Variants in EXT1 observed in about 807,000 individuals in gnomAD.
The protein encoded by EXT1 is exostosin-1.
In EXT1, 20 loss-of-function variants were observed where a neutral mutation model predicts 82.5. The observed-to-expected ratio is 0.24, with a 90% CI of 0.17 to 0.35. The LOEUF (loss-of-function observed/expected upper bound fraction) is 0.35, where lower values mean the gene tolerates loss of function less well. Among genes scored for constraint, EXT1 ranks in the 10% least tolerant of loss-of-function variants. EXT1 has a pLI of 1.00. For missense variants in EXT1, 757 were observed against 936.5 expected, an observed-to-expected ratio of 0.81 and a Z score of 2.50; for synonymous variants, 348 against 350.8, an observed-to-expected ratio of 0.99 and a Z score of 0.09.
At chr8:117,835,830 G>C (rs2129787575) in intron 2 of EXT1, among the ~76,000 whole-genome samples, 1 of 152,324 alleles carries the variant, frequency 6.6e-6, no homozygotes, top group Middle Eastern at 3.4e-3. Flanking sequence ...CTTCCATAGA[G>C]ACGACTGGCC....
At chr8:118,073,729 C>G (rs1817151360) in intron 1 of EXT1, among the ~76,000 whole-genome samples, 1 of 149,650 alleles carries the variant, frequency 6.7e-6, no homozygotes, top group African/African-American at 2.5e-5. Context: ...GGATCCAGCA[C>G]AAATAATTCC....
At chr8:117,875,539 T>C (rs1812954654) in intron 1 of EXT1, among the ~76,000 whole-genome samples, 1 of 152,146 alleles carries the variant, frequency 6.6e-6, no homozygotes, top group South Asian at 2.1e-4. Context: ...GTTTCTAAAA[T>C]AACAGGTGTA....
At chr8:117,824,773 T>A (rs548390977) in intron 4 of EXT1, among the ~76,000 whole-genome samples, 2 of 152,320 alleles carry the variant, frequency 1.3e-5, no homozygotes, top group Admixed American at 6.5e-5. Context: ...AGTTTAGCAA[T>A]TTTTTCCATG....
chr8:118,089,703 T>C (rs1817488476), intron 1 of EXT1, among the ~76,000 whole-genome samples: 1 of 152,210 alleles, frequency 6.6e-6, no homozygotes, highest in South Asian at 2.1e-4. Context: ...GTGTTCTCTA[T>C]CTGAAAAGTG....
At chr8:118,012,054 C>A (rs983463993) in intron 1 of EXT1, among the ~76,000 whole-genome samples, 1 of 152,202 alleles carries the variant, frequency 6.6e-6, no homozygotes, top group African/African-American at 2.4e-5. Context: ...CCAGTGCTCC[C>A]TTTCTTCACA....
chr8:117,989,660 A>T (rs1311683310), intron 1 of EXT1, among the ~76,000 whole-genome samples: 3 of 152,182 alleles, frequency 2.0e-5, no homozygotes, highest in African/African-American at 7.2e-5. Context: ...TCAGCCACTC[A>T]AAAGAAAAAA....
intron 1 of EXT1, among the ~76,000 whole-genome samples, chr8:117,987,236 G>A (rs1201594605): frequency 6.6e-6 from 1 of 152,200 alleles, no homozygotes; most frequent in Non-Finnish European, 1.5e-5. Context: ...GCTCGGGCTG[G>A]TCCTGTTTTG....
intron 1 of EXT1, among the ~76,000 whole-genome samples, chr8:117,949,880 A>G (rs1012272058): frequency 6.5e-4 from 99 of 152,290 alleles, no homozygotes; most frequent in Non-Finnish European, 2.1e-4. Flanking sequence ...TTAAGACAAG[A>G]TAACTGGGAC....
At chr8:117,937,544 T>C (rs1461548147) in intron 1 of EXT1, among the ~76,000 whole-genome samples, 6 of 152,242 alleles carry the variant, frequency 3.9e-5, no homozygotes, top group Non-Finnish European at 8.8e-5. Context: ...TGAATATAGT[T>C]GTCCCAGCAA....
At chr8:117,832,999 T>C (rs1812126689) in intron 3 of EXT1, among the ~76,000 whole-genome samples, 1 of 152,186 alleles carries the variant, frequency 6.6e-6, no homozygotes, top group South Asian at 2.1e-4. Flanking sequence ...TTAAGCTCTC[T>C]TGGTGACATG....
chr8:117,835,311 C>T, intron 3 of EXT1, 133 bp downstream of exon 3: 1 of 720,342 alleles, frequency 1.4e-6, no homozygotes, highest in Non-Finnish European at 2.5e-6. Flanking sequence ...TTCATATTCA[C>T]CATGACACAG....
At chr8:118,022,308 G>C (rs973086969) in intron 1 of EXT1, among the ~76,000 whole-genome samples, 2 of 147,684 alleles carry the variant, frequency 1.4e-5, no homozygotes, top group African/African-American at 5.0e-5. Flanking sequence ...GATATACTTG[G>C]CCGGGCGCAT....
intron 1 of EXT1, among the ~76,000 whole-genome samples, 155 bp from the exon 2 acceptor site, chr8:117,837,356 T>C (rs975162196): frequency 1.3e-5 from 2 of 152,126 alleles, no homozygotes; most frequent in South Asian, 2.1e-4. Flanking sequence ...AGGAAGGAGG[T>C]TGGGTTGCTG....
chr8:118,102,725 A>T (rs974164814), intron 1 of EXT1, among the ~76,000 whole-genome samples: 1 of 152,260 alleles, frequency 6.6e-6, no homozygotes, highest in Non-Finnish European at 1.5e-5. Flanking sequence ...ACTACATCAA[A>T]GTTTACCAAT....
chr8:117,861,393 C>T (rs1812680830), intron 1 of EXT1, among the ~76,000 whole-genome samples: 1 of 151,292 alleles, frequency 6.6e-6, no homozygotes, highest in Non-Finnish European at 1.5e-5. Context: ...CTCCAATTTA[C>T]TTATTGAGCT....
At chr8:117,928,750 ACATGT>A (rs1258697967) in intron 1 of EXT1, among the ~76,000 whole-genome samples, 1 of 151,842 alleles carries the variant, frequency 6.6e-6, no homozygotes, top group Non-Finnish European at 1.5e-5. Context: ...GGTTCTCTTG[ACATGT>A]CAGTCAATAT....
At chr8:118,065,554 T>G (rs1456161761) in intron 1 of EXT1, among the ~76,000 whole-genome samples, 1 of 152,222 alleles carries the variant, frequency 6.6e-6, no homozygotes, top group Non-Finnish European at 1.5e-5. Context: ...ATTTAAAAGT[T>G]TTAATTCAGA....
chr8:117,880,585 C>T (rs1426346657), intron 1 of EXT1, among the ~76,000 whole-genome samples: 1 of 145,044 alleles, frequency 6.9e-6, no homozygotes, highest in African/African-American at 2.6e-5. Context: ...TATGTTTTGC[C>T]TCTTTTTTCT....
Position 118,110,554 on chromosome 8 carries a change from G to C in EXT1, c.493C>G (p.Gln165Glu). 1 of 1,614,188 alleles carries C rather than the reference G, an allele frequency of 6.2e-7. No individual in the cohort carries two copies. The highest frequency in any genetic ancestry group is 8.5e-7 in the Non-Finnish European group (1 of 1,180,042). Residue 165 changes from glutamine to glutamate, a missense_variant, in exon 1 of 11, where the codon CAG becomes GAG. Gln to Glu is a conservative substitution (Grantham distance 29). Around this residue, in one of 4 missense-constraint regions of EXT1, gnomAD observed 247 missense variants for 330.1 expected, o/e 0.75. Transcript: ENST00000378204. ...TTGTGCACATACTGAGGTGACAACT[G>C]GTCTCTGTCTAAAGTATCCAGACTC... ...VLSLDTLDRDQLSPQYVHNLR... is the reference protein window; with the variant it reads ...VLSLDTLDRDELSPQYVHNLR...
Sources: gnomAD v4.1 joint callset for allele counts (sites outside exome capture counted in the v4.1 genomes callset) on GRCh38, gnomAD v4.1.1 for gene constraint, gnomAD v4.1.1 regional missense constraint, MANE v1.5 for transcripts, NCBI Gene and HGNC (gene_info 2026-07-23, HGNC 2026-07-21) for gene names.